The following DOCK10 variants were observed in gnomAD, a reference collection of about 807,000 sequenced individuals.
DOCK10 encodes dedicator of cytokinesis 10.
DOCK10 carries 145 observed loss-of-function variants against 280.1 expected under a neutral mutation model. The observed-to-expected ratio is 0.52, with a 90% CI of 0.45 to 0.59. DOCK10 has a LOEUF of 0.59. Ranked by LOEUF, DOCK10 falls within the 20% of genes least tolerant of loss-of-function variation. The pLI, the probability that DOCK10 is intolerant of heterozygous loss-of-function variation, is 0.00. For missense variants in DOCK10, 2,368 were observed against 2,651.7 expected (o/e 0.89, Z 2.35); for synonymous variants, 915 against 942.2 (o/e 0.97, Z 0.53).
chr2:224,960,711 A>G (rs1276561490), intron 1 of DOCK10, among the ~76,000 whole-genome samples: 1 of 147,506 alleles, frequency 6.8e-6, no homozygotes, highest in African/African-American at 2.5e-5. Context: ...TATGTGCACA[A>G]TGAACGCATC....
chr2:224,831,807 G>A (rs979831767), intron 26 of DOCK10, among the ~76,000 whole-genome samples: 6 of 152,190 alleles, frequency 3.9e-5, no homozygotes, highest in Admixed American at 2.0e-4. Flanking sequence ...ATCAAGACCT[G>A]TCCTCTGGAG....
chr2:224,990,460 A>T (rs1706094771), intron 1 of DOCK10, among the ~76,000 whole-genome samples: 1 of 152,222 alleles, frequency 6.6e-6, no homozygotes, highest in African/African-American at 2.4e-5. Flanking sequence ...TCTAATATTC[A>T]CGTAAAGTGC....
intron 4 of DOCK10, among the ~76,000 whole-genome samples, chr2:224,888,324 C>T (rs558161966): frequency 1.8e-4 from 26 of 145,640 alleles, no homozygotes; most frequent in African/African-American, 5.1e-4. Flanking sequence ...TGTGCGTGTG[C>T]GTGTGTATAC....
intron 4 of DOCK10, among the ~76,000 whole-genome samples, chr2:224,886,949 G>C: frequency 6.7e-6 from 1 of 150,114 alleles, no homozygotes. Flanking sequence ...TTTTTGTGGG[G>C]ATGGGGTTTT....
chr2:224,832,764 A>G (rs976677487), intron 26 of DOCK10, among the ~76,000 whole-genome samples: 6 of 152,106 alleles, frequency 3.9e-5, no homozygotes, highest in African/African-American at 1.2e-4. Context: ...TCTTAATTCA[A>G]CAGACTCCTA....
chr2:224,840,554 A>G (rs1312245192), intron 23 of DOCK10, among the ~76,000 whole-genome samples: 1 of 152,208 alleles, frequency 6.6e-6, no homozygotes. Flanking sequence ...TTAAAACCAC[A>G]GTGGGACATC....
At chr2:224,846,077 C>T (rs951660920) in intron 19 of DOCK10, among the ~76,000 whole-genome samples, 1 of 152,210 alleles carries the variant, frequency 6.6e-6, no homozygotes, top group Non-Finnish European at 1.5e-5. Flanking sequence ...TGGATGCACT[C>T]ATTTAATGCT....
intron 31 of DOCK10, among the ~76,000 whole-genome samples, chr2:224,812,192 T>G (rs1286509009): frequency 1.2e-4 from 19 of 152,168 alleles, no homozygotes; most frequent in African/African-American, 4.3e-4. Context: ...TCCTTGAAGA[T>G]ATCCTTCACA....
chr2:224,979,049 C>G (rs1332905547), intron 1 of DOCK10, among the ~76,000 whole-genome samples: 1 of 152,214 alleles, frequency 6.6e-6, no homozygotes, highest in East Asian at 1.9e-4. Flanking sequence ...GCCTCAACAA[C>G]TACCATCCAG....
chr2:224,891,384 G>A (rs1475986271), intron 4 of DOCK10, among the ~76,000 whole-genome samples: 1 of 152,076 alleles, frequency 6.6e-6, no homozygotes, highest in East Asian at 1.9e-4. Flanking sequence ...CAAAGTAAAG[G>A]TTGAGTAAAA....
chr2:224,938,593 T>C (rs1425302763), intron 1 of DOCK10, among the ~76,000 whole-genome samples: 3 of 152,148 alleles, frequency 2.0e-5, no homozygotes, highest in Non-Finnish European at 4.4e-5. Context: ...CCAATTTCAG[T>C]GTTATATCAA....
intron 1 of DOCK10, among the ~76,000 whole-genome samples, chr2:225,000,801 C>T (rs772461259): frequency 1.3e-5 from 2 of 152,132 alleles, no homozygotes; most frequent in Non-Finnish European, 2.9e-5. Context: ...CCTGGTGAAA[C>T]CTCGTCTGTA....
chr2:224,851,458 TAAA>T (rs765444040), intron 18 of DOCK10, among the ~76,000 whole-genome samples: 1,484 of 139,484 alleles, frequency 0.011, 11 homozygotes, highest in Middle Eastern at 0.019. Flanking sequence ...TTTTTTTTTT[TAAA>T]AAAAAAAAAA....
intron 1 of DOCK10, among the ~76,000 whole-genome samples, chr2:224,985,425 T>C (rs1333919428): frequency 6.6e-6 from 1 of 151,648 alleles, no homozygotes; most frequent in Non-Finnish European, 1.5e-5. Flanking sequence ...TCAGCACTTA[T>C]GAAATCTTAA....
chr2:224,776,255 T>A (rs1690856920), intron 51 of DOCK10, among the ~76,000 whole-genome samples: 1 of 152,202 alleles, frequency 6.6e-6, no homozygotes, highest in African/African-American at 2.4e-5. Flanking sequence ...CTCCTGAATT[T>A]ATTTTGTAAT....
At chr2:224,921,134 T>A (rs1489472836) in intron 2 of DOCK10, among the ~76,000 whole-genome samples, 54 of 109,084 alleles carry the variant, frequency 5.0e-4, no homozygotes, top group African/African-American at 2.1e-3. Context: ...TATATATATA[T>A]AATGTATATA....
At chr2:224,908,558 C>T (rs534898999) in intron 3 of DOCK10, among the ~76,000 whole-genome samples, 2 of 152,062 alleles carry the variant, frequency 1.3e-5, no homozygotes, top group African/African-American at 2.4e-5. Flanking sequence ...CAGTGGCATA[C>T]GCATGGCTCA....
chr2:224,875,758 T>C lies in DOCK10; in HGVS notation c.931+280A>G, dbSNP rs1022428399. 4.3e-4 allele frequency among the ~76,000 whole-genome samples: 65 copies of C among 152,184 alleles called. No individual in the cohort carries two copies. In the East Asian group the frequency reaches 4.4e-3, roughly 10 times the overall value. On this transcript the variant is annotated intron_variant, in intron 8 of 55. Transcript: ENST00000258390. ...ATGCCCCCTATAAGGTAATGTCCCA[T>C]TGGACATGAGCACATTTTGGATGCT...
chr2:225,021,773 T>C (rs935938991), intron 1 of DOCK10, among the ~76,000 whole-genome samples: 1 of 152,162 alleles, frequency 6.6e-6, no homozygotes, highest in Non-Finnish European at 1.5e-5. Context: ...GACATAACAA[T>C]TTGAGTGTTG....
Sources: allele counts gnomAD v4.1 joint callset (sites outside exome capture counted in the v4.1 genomes callset), GRCh38; gene constraint gnomAD v4.1.1; transcripts MANE v1.5; gene names NCBI Gene and HGNC (gene_info 2026-07-23, HGNC 2026-07-21).